MAPK8IP1: variants seen among roughly 807,000 people sequenced by gnomAD.
MAPK8IP1 encodes the protein mitogen-activated protein kinase 8 interacting protein 1.
Under a neutral mutation model 72.6 loss-of-function variants are expected in MAPK8IP1, and 17 were observed. That is an observed-to-expected ratio of 0.23 (90% confidence interval 0.16 to 0.35). The LOEUF (loss-of-function observed/expected upper bound fraction) is 0.35. MAPK8IP1 is among the 10% of genes least tolerant of loss of function. MAPK8IP1 has a pLI of 1.00. For synonymous variants in MAPK8IP1, 401 were observed against 443.4 expected (o/e 0.90, Z 1.20); for missense variants, 789 against 1,009.7 (o/e 0.78, Z 2.96).
chr11:45,888,429 AG>A (rs2086543625), intron 1 of MAPK8IP1, among the ~76,000 whole-genome samples: 1 of 152,198 alleles, frequency 6.6e-6, no homozygotes, highest in Non-Finnish European at 1.5e-5. Flanking sequence ...ACTGAGGCAG[AG>A]GGAGGTTAGG....
At position 45,900,504 on chromosome 11, in the gene MAPK8IP1, G is replaced by T. The variant is rs1436077609; in HGVS notation, c.522+52G>T. ...CCCTGGGCCGCCGCGGAGATGTGAGGGGGAGCGCAGAGGGGCTGCAGCGGG... is the reference window on the plus strand; with the variant it reads ...CCCTGGGCCGCCGCGGAGATGTGAGTGGGAGCGCAGAGGGGCTGCAGCGGG... On this transcript the variant is annotated intron_variant, in intron 3 of 11. Coordinates refer to ENST00000241014, the MANE Select transcript of MAPK8IP1 (RefSeq NM_005456.4). This position sits in a 1 kb window ranked among gnomAD's most constrained non-coding sequence, Gnocchi z 6.5. 1 of 1,520,666 alleles carries T rather than the reference G, an allele frequency of 6.6e-7. No individual in the cohort carries two copies. The highest frequency in any genetic ancestry group is 1.2e-5 in the South Asian group (1 of 82,760). 94.2% of individuals were successfully genotyped at this position (1,520,666 alleles called of 1,614,324 possible).
Position 45,904,462 on chromosome 11 carries a change from C to T in MAPK8IP1, c.1674C>T (p.Ala558=), listed in dbSNP as rs748311692. 2.0e-5 allele frequency: 32 copies of T among 1,613,930 alleles called. 1 individual carries two copies. The South Asian group carries it at 3.5e-4, about 18-fold the overall frequency. ...TKEPEHMAAL[A]KNSDWVDQFR... is the part of the protein sequence containing the mutation. ...TTCACGCTTGCTTTCCAGCCCTGGC[C>T]AAAAACAGTGACTGGGTGGACCAGT... Residue 558 remains alanine (A), a synonymous_variant, in exon 8 of 12, where the codon GCC becomes GCT. Coordinates refer to ENST00000241014, the MANE Select transcript of MAPK8IP1 (RefSeq NM_005456.4). This position sits in a 1 kb window ranked among gnomAD's most constrained non-coding sequence, Gnocchi z 6.4.
chr11:45,901,829 G>A, intron 3 of MAPK8IP1, 151 bp from the exon 4 acceptor site: 1 of 771,166 alleles, frequency 1.3e-6, no homozygotes. Flanking sequence ...GCCTGCTCCA[G>A]AGGAGAGTTA....
intron 1 of MAPK8IP1, among the ~76,000 whole-genome samples, chr11:45,896,392 C>A (rs1477812883): frequency 6.6e-6 from 1 of 152,264 alleles, no homozygotes; most frequent in Non-Finnish European, 1.5e-5. Flanking sequence ...CACCTGGCAC[C>A]CTGACTGGGG....
In MAPK8IP1 at chr11:45,900,539, C is replaced by T; in HGVS notation, c.522+87C>T. On this transcript the variant is annotated intron_variant, in intron 3 of 11. Coordinates refer to ENST00000241014, the MANE Select transcript of MAPK8IP1 (RefSeq NM_005456.4). This position sits in a 1 kb window ranked among gnomAD's most constrained non-coding sequence, Gnocchi z 6.5. ...GAGGGGCTGCAGCGGGAAGGGGCAC[C>T]CACGGGTCCAGTGCCTGGGGACAGC... 1 of 1,452,634 alleles carries T rather than the reference C, an allele frequency of 6.9e-7. No individual in the cohort carries two copies. The highest frequency in any genetic ancestry group is 9.2e-7 in the Non-Finnish European group (1 of 1,086,386). The allele number at this position is 1,452,634 out of a possible 1,614,324, so 90.0% of individuals were successfully genotyped here.
Position 45,906,033 on chromosome 11 carries a change from A to T in MAPK8IP1, c.*312A>T, listed in dbSNP as rs1276316273. 1.9e-6 allele frequency: 1 copy of T among 514,610 alleles called. No individual in the cohort carries two copies. The highest frequency in any genetic ancestry group is 1.9e-5 in the African/African-American group (1 of 52,104). 31.9% of individuals were successfully genotyped at this position (514,610 alleles called of 1,614,324 possible). ...TTCCAGGAGCACACGGCCCTGCCCC[A>T]TCCTGGGCCTTACCTCCCCTGCCAG... On this transcript the variant is annotated 3_prime_UTR_variant, in exon 12 of 12. Coordinates refer to ENST00000241014, the MANE Select transcript of MAPK8IP1 (RefSeq NM_005456.4).
At chr11:45,890,814 G>A (rs1031142225) in intron 1 of MAPK8IP1, among the ~76,000 whole-genome samples, 3 of 152,214 alleles carry the variant, frequency 2.0e-5, no homozygotes, top group Non-Finnish European at 2.9e-5. Flanking sequence ...ACAGTCAGTC[G>A]GTTTTGGGTC....
chr11:45,896,034 C>T lies in MAPK8IP1; in HGVS notation c.102-2051C>T, dbSNP rs191299182. ...ACCTTGTCCATCCAGCCCCCATTCCCCACCCCTCTGTGCAGTGCCCTCCAG... is the reference window on the plus strand; with the variant it reads ...ACCTTGTCCATCCAGCCCCCATTCCTCACCCCTCTGTGCAGTGCCCTCCAG... On this transcript the variant is annotated intron_variant, in intron 1 of 11. Transcript: ENST00000241014. Among the ~76,000 whole-genome samples the T allele has an allele frequency of 5.4e-4, 82 of 152,330 alleles. 2 individuals are homozygous for T. Among genetic ancestry groups the T allele is most frequent in the Admixed American group, 9.8e-4 (15 of 15,294 alleles).
chr11:45,897,080 C>T, intron 1 of MAPK8IP1: 1 of 918,816 alleles, frequency 1.1e-6, no homozygotes, highest in East Asian at 2.6e-5. Flanking sequence ...GGGGCTAAGC[C>T]ACCATCTCTC....
At chr11:45,885,948 T>C (rs1565068645) in intron 1 of MAPK8IP1, 27 bp downstream of exon 1, 7 of 1,425,818 alleles carry the variant, frequency 4.9e-6, no homozygotes, top group Non-Finnish European at 6.5e-6. Flanking sequence ...GCCGCGCGCC[T>C]CGCCCTTCAG....
intron 1 of MAPK8IP1, among the ~76,000 whole-genome samples, chr11:45,895,314 A>G (rs927812152): frequency 3.3e-5 from 5 of 152,110 alleles, no homozygotes. Context: ...GCCATGTGTG[A>G]GGAGACACAG....
chr11:45,896,702 C>A (rs2086608360), intron 1 of MAPK8IP1: 1 of 1,432,854 alleles, frequency 7.0e-7, no homozygotes, highest in East Asian at 2.5e-5. Context: ...CCTCTCCTGG[C>A]CTGTCTATTT....
chr11:45,885,753 C>T lies in MAPK8IP1; in HGVS notation c.-68C>T. On this transcript the variant is annotated 5_prime_UTR_variant, in exon 1 of 12. Transcript: ENST00000241014. ...GGCGGCTGCCCTCTCGCCGCGCCTC[C>T]GCCTCCTTCGCAGCCGCCGCCTCCT... 1.0e-6 allele frequency: 1 copy of T among 953,810 alleles called. No individual in the cohort carries two copies. 59.1% of individuals were successfully genotyped at this position (953,810 alleles called of 1,614,324 possible).
chr11:45,898,020 T>TAAC (rs1456961920), intron 1 of MAPK8IP1, 65 bp from the exon 2 acceptor site: 1 of 967,650 alleles, frequency 1.0e-6, no homozygotes, highest in African/African-American at 1.6e-5. Context: ...CTGGAAGAGG[T>TAAC]AACAGGGAGA....
At position 45,900,585 on chromosome 11, in the gene MAPK8IP1, G is replaced by A. The variant is rs1047569756; in HGVS notation, c.522+133G>A. On this transcript the variant is annotated intron_variant, in intron 3 of 11. Coordinates refer to ENST00000241014, the MANE Select transcript of MAPK8IP1 (RefSeq NM_005456.4). This position sits in a 1 kb window ranked among gnomAD's most constrained non-coding sequence, Gnocchi z 6.5. ...ACAGCGCCTGCATAGGGGCCGCGGT[G>A]GCTCGCTCCCGGTGTTGGGATCCGA... The A allele has an allele frequency of 3.2e-5, 33 of 1,037,458 alleles. No individual in the cohort carries two copies. Among genetic ancestry groups the A allele is most frequent in the Non-Finnish European group, 4.1e-5 (30 of 735,702 alleles). 64.3% of individuals were successfully genotyped at this position (1,037,458 alleles called of 1,614,324 possible). A position where few individuals can be genotyped will look rare whatever the true frequency, so the allele number is the denominator to read the frequency against.
rs55963197 is a variant in MAPK8IP1, at chr11:45,904,783, C to T, written c.1842C>T (p.Ser614=). 1.1e-3 allele frequency: 1,743 copies of T among 1,614,032 alleles called. 7 individuals carry two copies. In the African/African-American group the frequency reaches 0.012, roughly 11 times the overall value. ...CCTCCAGCTGTGTCCTGGAGATCAG[C>T]GTGCGGGGTGTGAAGATAGGCGTCA... ...NPPSSCVLEI[S]VRGVKIGVKA... is the part of the protein sequence containing the mutation. Residue 614 remains serine (S), a synonymous_variant, in exon 9 of 12, where the codon AGC becomes AGT. Coordinates refer to ENST00000241014, the MANE Select transcript of MAPK8IP1 (RefSeq NM_005456.4). The surrounding 1 kb of genome is among the most constrained non-coding windows in gnomAD (Gnocchi z 6.4).
At position 45,903,577 on chromosome 11, in the gene MAPK8IP1, G is replaced by T. The variant is rs2086676167; in HGVS notation, c.1493+137G>T. 1 of 771,064 alleles carries T rather than the reference G, an allele frequency of 1.3e-6. No homozygotes were observed. The allele number at this position is 771,064 out of a possible 1,614,324, so 47.8% of individuals were successfully genotyped here. On this transcript the variant is annotated intron_variant, in intron 6 of 11. Transcript: ENST00000241014. This position sits in a 1 kb window ranked among gnomAD's most constrained non-coding sequence, Gnocchi z 6.4. ...TTATCCACTCAGCCCTGGGAGGACA[G>T]TGTCCACTCTCTAGGGACTCAGAGT...
At position 45,885,806 on chromosome 11, in the gene MAPK8IP1, G is replaced by A; in HGVS notation, c.-15G>A. 7.1e-7 allele frequency: 1 copy of A among 1,403,386 alleles called. No homozygotes were observed. Among genetic ancestry groups the A allele is most frequent in the Non-Finnish European group, 9.3e-7 (1 of 1,075,364 alleles). The allele number at this position is 1,403,386 out of a possible 1,614,324, so 86.9% of individuals were successfully genotyped here. ...GCGCCGCGCTCCGCCCGGATGGCCAGGGCTGTGCCCGAGAATGGCGGAGCG... is the reference window on the plus strand; with the variant it reads ...GCGCCGCGCTCCGCCCGGATGGCCAAGGCTGTGCCCGAGAATGGCGGAGCG... On this transcript the variant is annotated 5_prime_UTR_variant, in exon 1 of 12. Coordinates refer to ENST00000241014, the MANE Select transcript of MAPK8IP1 (RefSeq NM_005456.4).
chr11:45,890,711 G>A (rs1299375870), intron 1 of MAPK8IP1, among the ~76,000 whole-genome samples: 1 of 152,122 alleles, frequency 6.6e-6, no homozygotes, highest in Non-Finnish European at 1.5e-5. Flanking sequence ...TCCAGTGGGA[G>A]ACCAGAGGGC....
Sources: allele counts gnomAD v4.1 joint callset (sites outside exome capture counted in the v4.1 genomes callset), GRCh38; gene constraint gnomAD v4.1.1; non-coding constraint Gnocchi (gnomAD v3.1); transcripts MANE v1.5; gene names NCBI Gene and HGNC (gene_info 2026-07-23, HGNC 2026-07-21).